Variants in SIM1 observed in about 807,000 individuals in gnomAD.
The protein encoded by SIM1 is single-minded homolog 1.
Under a neutral mutation model 78.2 loss-of-function variants are expected in SIM1, and 18 were observed. That is an observed-to-expected ratio of 0.23 (90% confidence interval 0.16 to 0.34). The LOEUF is 0.34. SIM1 is among the 10% of genes least tolerant of loss of function. The pLI is 1.00. For synonymous variants in SIM1, 417 were observed against 385.2 expected (o/e 1.08, Z -0.97); for missense variants, 939 against 975.1 (o/e 0.96, Z 0.49).
intron 2 of SIM1, among the ~76,000 whole-genome samples, chr6:100,455,566 G>A (rs569466482): frequency 9.2e-4 from 140 of 152,354 alleles, no homozygotes; most frequent in Non-Finnish European, 1.6e-3. Context: ...AGGAGGGATT[G>A]GCTGCGGAGG....
chr6:100,399,123 C>T (rs1455074363), intron 10 of SIM1, among the ~76,000 whole-genome samples: 1 of 152,070 alleles, frequency 6.6e-6, no homozygotes, highest in Non-Finnish European at 1.5e-5. Context: ...GTCCTTTGCC[C>T]ATTTTTGAAT....
chr6:100,429,913 T>C (rs893476956), intron 9 of SIM1, among the ~76,000 whole-genome samples: 7 of 152,214 alleles, frequency 4.6e-5, no homozygotes, highest in Non-Finnish European at 1.0e-4. Flanking sequence ...AATTTTAAAA[T>C]ATCCACATGC....
At chr6:100,460,581 G>T (rs2114558311) in intron 2 of SIM1, among the ~76,000 whole-genome samples, 1 of 152,222 alleles carries the variant, frequency 6.6e-6, no homozygotes, top group South Asian at 2.1e-4. Flanking sequence ...GTACTAGGGT[G>T]GCTTCATGAT....
intron 10 of SIM1, among the ~76,000 whole-genome samples, chr6:100,407,450 T>C (rs1293368501): frequency 6.6e-6 from 1 of 152,174 alleles, no homozygotes; most frequent in Non-Finnish European, 1.5e-5. Context: ...ACTGATTTTT[T>C]TTTCCTTCAG....
intron 9 of SIM1, among the ~76,000 whole-genome samples, chr6:100,443,785 T>G (rs1772279612): frequency 6.6e-6 from 1 of 152,064 alleles, no homozygotes; most frequent in Admixed American, 6.6e-5. Flanking sequence ...TTTGAAGTGA[T>G]TTAGCAGGAA....
Position 100,392,000 on chromosome 6 carries a change from C to T in SIM1, c.1571-909G>A, listed in dbSNP as rs1436515288. 3.9e-5 allele frequency among the ~76,000 whole-genome samples: 6 copies of T among 152,224 alleles called. No individual in the cohort carries two copies. In the East Asian group the frequency reaches 1.2e-3, roughly 29 times the overall value. On this transcript the variant is annotated intron_variant, in intron 11 of 11. Transcript: ENST00000369208. ...CCAGCCTGGCCAACATTGTGAAGCC[C>T]CGTCTCTACTAAAAAATACAAAAAT...
chr6:100,407,167 G>T (rs908081856), intron 10 of SIM1, among the ~76,000 whole-genome samples: 7 of 151,894 alleles, frequency 4.6e-5, no homozygotes, highest in Non-Finnish European at 1.5e-5. Flanking sequence ...ATATTTCATT[G>T]TATATATATA....
At position 100,390,734 on chromosome 6, in the gene SIM1, G is replaced by A. The variant is rs746191544; in HGVS notation, c.1928C>T (p.Pro643Leu). 6.2e-7 allele frequency: 1 copy of A among 1,614,064 alleles called. No individual in the cohort carries two copies. The highest frequency in any genetic ancestry group is 1.1e-5 in the South Asian group (1 of 91,076). The stretch of plus-strand genomic sequence containing the variant: ...ACTGTTGTCATAGTCATTTTCATGG[G>A]GGCTCAACATTTTTCCCTCTCTCTG... ...IQQREGKMLS[P>L]HENDYDNSPT... Residue 643 changes from proline to leucine, a missense_variant, in exon 12 of 12, where the codon CCC (proline) becomes CTC (leucine). Coordinates refer to ENST00000369208, the MANE Select transcript of SIM1 (RefSeq NM_005068.3).
chr6:100,409,938 G>A (rs1449601859), intron 10 of SIM1, among the ~76,000 whole-genome samples: 2 of 152,004 alleles, frequency 1.3e-5, no homozygotes, highest in Non-Finnish European at 2.9e-5. Flanking sequence ...TTGATTTGTG[G>A]ACTAACAAAT....
At chr6:100,457,876 G>A (rs1480277936) in intron 2 of SIM1, among the ~76,000 whole-genome samples, 1 of 152,222 alleles carries the variant, frequency 6.6e-6, no homozygotes, top group Non-Finnish European at 1.5e-5. Context: ...GCCTGCACTC[G>A]GCAGTGCCCT....
chr6:100,444,732 A>G (rs1772311613), intron 9 of SIM1, among the ~76,000 whole-genome samples: 1 of 152,176 alleles, frequency 6.6e-6, no homozygotes, highest in Admixed American at 6.6e-5. Flanking sequence ...TGCTTTTGTT[A>G]GATAATAATA....
At chr6:100,444,583 T>C (rs1772306884) in intron 9 of SIM1, among the ~76,000 whole-genome samples, 1 of 152,108 alleles carries the variant, frequency 6.6e-6, no homozygotes, top group Admixed American at 6.6e-5. Flanking sequence ...CCTCTCCAGA[T>C]TTTCAGAACA....
At chr6:100,406,559 G>T (rs1390152253) in intron 10 of SIM1, among the ~76,000 whole-genome samples, 8 of 152,138 alleles carry the variant, frequency 5.3e-5, no homozygotes, top group African/African-American at 1.7e-4. Context: ...CCTCCACCAA[G>T]TTGAGCAACT....
rs1772577811 is a variant in SIM1, at chr6:100,453,830, A to T, written c.190T>A (p.Trp64Arg). The change falls in exon 3 of 12, where the codon TGG (tryptophan) becomes AGG (arginine). Residue 64 changes from tryptophan to arginine, a missense_variant. Trp to Arg is a moderately radical substitution (Grantham distance 101). Coordinates refer to ENST00000369208, the MANE Select transcript of SIM1 (RefSeq NM_005068.3). ...VVFPEGLGEA[W>R]GHSSRTSPLD... ...GGGCTGGTCCGACTTGAGTGGCCCC[A>T]CGCCTCGCCGAGCCCTGTGGAGACA... The T allele has an allele frequency of 6.2e-7, 1 of 1,611,700 alleles. No homozygotes were observed. The highest frequency in any genetic ancestry group is 8.5e-7 in the Non-Finnish European group (1 of 1,179,030).
At chr6:100,437,132 T>G (rs1190825296) in intron 9 of SIM1, 3 of 152,172 alleles carry the variant, frequency 2.0e-5, no homozygotes, top group Non-Finnish European at 2.9e-5. Context: ...GAACGGACAA[T>G]AGACTCTACA....
intron 2 of SIM1, among the ~76,000 whole-genome samples, chr6:100,457,104 C>T (rs763000632): frequency 2.0e-5 from 3 of 152,190 alleles, no homozygotes; most frequent in Non-Finnish European, 2.9e-5. Context: ...AGAGCTTTTC[C>T]TTCGGAATGA....
Position 100,448,560 on chromosome 6 carries a change from G to A in SIM1, c.662C>T (p.Ala221Val). ...GCTGTGTAGCTTGATCTCCGTGACG[G>A]CGCTGGGAGGCAGCGAGTGGCCCAC... is the stretch of plus-strand genomic sequence containing the variant. ...VAVGHSLPPS[A>V]VTEIKLHSNM... Residue 221 changes from alanine (A) to valine (V), a missense_variant, in exon 7 of 12, where the codon GCC becomes GTC. Physicochemically the swap from Ala to Val is moderately conservative, Grantham distance 64. Coordinates refer to ENST00000369208, the MANE Select transcript of SIM1 (RefSeq NM_005068.3). The A allele has an allele frequency of 6.2e-7, 1 of 1,614,120 alleles. No individual in the cohort carries two copies. The highest frequency in any genetic ancestry group is 8.5e-7 in the Non-Finnish European group (1 of 1,180,032).
At chr6:100,446,864 C>T (rs774260108) in intron 9 of SIM1, among the ~76,000 whole-genome samples, 5 of 152,216 alleles carry the variant, frequency 3.3e-5, no homozygotes, top group Non-Finnish European at 5.9e-5. Context: ...AAATTAAGAA[C>T]TTCAAACCCC....
At chr6:100,452,317 A>T (rs558025532) in intron 3 of SIM1, among the ~76,000 whole-genome samples, 1 of 152,298 alleles carries the variant, frequency 6.6e-6, no homozygotes, top group African/African-American at 2.4e-5. Context: ...GGTAAACTAT[A>T]CACTGTACCA....
Sources: gnomAD v4.1 joint callset for allele counts (sites outside exome capture counted in the v4.1 genomes callset) on GRCh38, gnomAD v4.1.1 for gene constraint, MANE v1.5 for transcripts, NCBI Gene and HGNC (gene_info 2026-07-23, HGNC 2026-07-21) for gene names.